Variants in AKNA observed in about 807,000 individuals in gnomAD.
AKNA encodes AT-hook transcription factor.
In AKNA, 67 loss-of-function variants were observed where a neutral mutation model predicts 138.8. That is an observed-to-expected ratio of 0.48 (90% confidence interval 0.40 to 0.59). AKNA has a LOEUF of 0.59. AKNA is among the 20% of genes least tolerant of loss of function. The pLI, the probability that AKNA is intolerant of heterozygous loss-of-function variation, is 0.00. For missense variants in AKNA, 1,813 were observed against 1,880.4 expected (o/e 0.96, Z 0.66); for synonymous variants, 737 against 754.4 (o/e 0.98, Z 0.38).
intron 4 of AKNA, 121 bp downstream of exon 4, chr9:114,373,972 G>A (rs932391124): frequency 7.8e-5 from 82 of 1,048,294 alleles, no homozygotes; most frequent in Non-Finnish European, 9.5e-5. Context: ...GAAAACTGGC[G>A]TTCCACTATC....
Position 114,337,057 on chromosome 9 carries a change from G to C in AKNA, c.4317C>G (p.Phe1439Leu). Residue 1439 changes from phenylalanine (F) to leucine (L), a missense_variant, in exon 22 of 22, where the codon TTC becomes TTG. Physicochemically the swap from Phe to Leu is conservative, Grantham distance 22. Transcript: ENST00000374088. ...TGCCTCTGGGCCCCCAGTGAAGTCA[G>C]AAGAGGCAGGAGCCCCGCAGGCTGT... Reference protein sequence around the residue: ...QAHSLRGSCLF With the variant: ...QAHSLRGSCLL The C allele has an allele frequency of 1.7e-6, 2 of 1,190,274 alleles. No individual in the cohort carries two copies. The highest frequency in any genetic ancestry group is 2.2e-6 in the Non-Finnish European group (2 of 927,616). The allele number at this position is 1,190,274 out of a possible 1,614,324, so 73.7% of individuals were successfully genotyped here. A position where few individuals can be genotyped will look rare whatever the true frequency, so the allele number is the denominator to read the frequency against.
At position 114,357,926 on chromosome 9, in the gene AKNA, G is replaced by C. The variant is rs781324287; in HGVS notation, c.2734C>G (p.Leu912Val). The C allele has an allele frequency of 3.8e-6, 6 of 1,597,562 alleles. No individual in the cohort carries two copies. In the East Asian group the frequency reaches 1.1e-4, roughly 30 times the overall value. ...TCCCCCATGTGGAGACTTACCTCCA[G>C]GTGGGGCCCACCGCCTCGGTGCAAA... ...KPLHRGGGPH[L>V]EETWMASPET... The change falls in exon 12 of 22, where the codon CTG becomes GTG. Residue 912 changes from leucine (L) to valine (V), a missense_variant. Physicochemically the swap from Leu to Val is conservative, Grantham distance 32. Coordinates refer to ENST00000374088, the MANE Select transcript of AKNA (RefSeq NM_001317950.2).
intron 16 of AKNA, among the ~76,000 whole-genome samples, chr9:114,347,215 T>TTTA (rs998511813): frequency 1.9e-3 from 296 of 152,008 alleles, no homozygotes; most frequent in African/African-American, 6.6e-3. Flanking sequence ...TGTATTATTC[T>TTTA]TTATTATTAT....
At chr9:114,331,737 C>T (rs1340087594), downstream of AKNA, 12 of 1,584,726 alleles carry the variant, frequency 7.6e-6, no homozygotes, top group African/African-American at 2.7e-5. Context: ...ATTCACCCAC[C>T]CCTGGGCTGG....
In AKNA at chr9:114,342,127, T is replaced by G. The variant is rs1295010333; in HGVS notation, c.3758-2A>C. ...GTGGGTCCCCTGTGACAGCACCACC[T>G]AGAAGAGGAGGAAGAGATGTCAGGG... On this transcript the variant is annotated splice_acceptor_variant, in intron 19 of 21. Transcript: ENST00000374088. LOFTEE classifies it high-confidence loss of function. 24 of 1,571,556 alleles carry G rather than the reference T, an allele frequency of 1.5e-5. No homozygotes were observed. In the Admixed American group the frequency reaches 2.8e-4, roughly 18 times the overall value.
At chr9:114,359,144 C>G (rs550653546) in intron 11 of AKNA, 70 of 170,336 alleles carry the variant, frequency 4.1e-4, no homozygotes, top group Admixed American at 5.5e-4. Context: ...TCTCAGCTCA[C>G]TGCAACCTCC....
Position 114,367,685 on chromosome 9 carries a change from G to A in AKNA, c.1586C>T (p.Ala529Val). ...QASAASGWPS[A>V]RGDLSPSSLT... ...CGAGGAGGGGCTCAAGTCTCCTCGA[G>A]CTGATGGCCACCCTGGAATACACAA... The change falls in exon 6 of 22, where the codon GCT (alanine) becomes GTT (valine). Residue 529 changes from alanine to valine, a missense_variant. Transcript: ENST00000374088. 1 of 1,574,276 alleles carries A rather than the reference G, an allele frequency of 6.4e-7. No homozygotes were observed. Among genetic ancestry groups the A allele is most frequent in the African/African-American group, 1.4e-5 (1 of 73,630 alleles).
chr9:114,384,281 C>T (rs1056505253), intron 1 of AKNA, among the ~76,000 whole-genome samples: 3 of 152,092 alleles, frequency 2.0e-5, no homozygotes, highest in Non-Finnish European at 2.9e-5. Flanking sequence ...AAGATGCAAT[C>T]GAAAATGGGC....
At chr9:114,348,994 C>G (rs1830910120) in intron 15 of AKNA, 1 of 456,182 alleles carries the variant, frequency 2.2e-6, no homozygotes. Context: ...CCTGGCTGTG[C>G]CCCAGCGCTG....
At chr9:114,394,537 G>A (rs2132162991), upstream of AKNA, 1 of 152,188 alleles carries the variant, frequency 6.6e-6, no homozygotes, top group Non-Finnish European at 1.5e-5. Context: ...GTTGTTTTCT[G>A]CAATACAGCC....
At chr9:114,352,870 G>C (rs1831229288) in intron 14 of AKNA, among the ~76,000 whole-genome samples, 2 of 151,818 alleles carry the variant, frequency 1.3e-5, no homozygotes, top group Non-Finnish European at 2.9e-5. Flanking sequence ...GCAGTGAGCA[G>C]AGAGTGCACC....
intron 11 of AKNA, 156 bp downstream of exon 11, chr9:114,359,438 C>A: frequency 7.1e-7 from 1 of 1,409,938 alleles, no homozygotes; most frequent in Non-Finnish European, 9.5e-7. Context: ...AAAATCATTT[C>A]AAGGGCTATC....
chr9:114,330,545 G>A, downstream of AKNA: 1 of 1,612,692 alleles, frequency 6.2e-7, no homozygotes, highest in South Asian at 1.1e-5. Context: ...CAAGACAGAG[G>A]ACACGATCTT....
intron 10 of AKNA, 40 bp from the exon 11 acceptor site, chr9:114,359,834 T>C (rs770129356): frequency 1.9e-6 from 3 of 1,612,546 alleles, no homozygotes; most frequent in Non-Finnish European, 2.5e-6. Context: ...CTCTGCCCAG[T>C]GGGGGACAGC....
chr9:114,331,563 C>T (rs771769704), downstream of AKNA: 5 of 1,611,712 alleles, frequency 3.1e-6, no homozygotes, highest in South Asian at 3.3e-5. Context: ...TTTTTCTCTT[C>T]CAGAGGGAGG....
intron 14 of AKNA, among the ~76,000 whole-genome samples, chr9:114,354,869 CT>C (rs951126529): frequency 1.2e-3 from 156 of 133,682 alleles, no homozygotes; most frequent in Middle Eastern, 3.9e-3. Flanking sequence ...CTATACGGTA[CT>C]TTTTTTTTTT....
At chr9:114,396,566 CT>C (rs1834540102), upstream of AKNA, among the ~76,000 whole-genome samples, 1 of 152,146 alleles carries the variant, frequency 6.6e-6, no homozygotes. Flanking sequence ...GTGATCCCAG[CT>C]ACTCAGGAGG....
chr9:114,368,955 A>T (rs2763184), intron 4 of AKNA, among the ~76,000 whole-genome samples: 1 of 152,272 alleles, frequency 6.6e-6, no homozygotes, highest in African/African-American at 2.4e-5. Context: ...TCCTATTAAC[A>T]GTAATTTTTT....
At chr9:114,395,404 C>T (rs1201494707), upstream of AKNA, among the ~76,000 whole-genome samples, 7 of 152,052 alleles carry the variant, frequency 4.6e-5, no homozygotes, top group Admixed American at 4.6e-4. Context: ...TCTTAGGGCA[C>T]CATCCTGTCA....
Sources: allele counts gnomAD v4.1 joint callset (sites outside exome capture counted in the v4.1 genomes callset), GRCh38; gene constraint gnomAD v4.1.1; transcripts MANE v1.5; gene names NCBI Gene and HGNC (gene_info 2026-07-23, HGNC 2026-07-21).